EYS: variants seen among roughly 807,000 people sequenced by gnomAD.
EYS encodes protein eyes shut homolog.
A neutral mutation model predicts 282.1 loss-of-function variants in EYS; 250 were observed. The observed-to-expected ratio is 0.89, with a 90% CI of 0.80 to 0.98. EYS has a LOEUF of 0.98. EYS is among the 50% of genes least tolerant of loss of function. EYS has a pLI of 0.00. For synonymous variants in EYS, 1,355 were observed against 1,282.9 expected (o/e 1.06, Z -1.20); for missense variants, 4,016 against 3,709.0 (o/e 1.08, Z -2.15).
intron 31 of EYS, among the ~76,000 whole-genome samples, chr6:64,098,984 T>G (rs900090604): frequency 9.2e-5 from 14 of 152,148 alleles, no homozygotes; most frequent in African/African-American, 2.9e-4. Flanking sequence ...CAAGACAAAT[T>G]ATAAAGTCAT....
At chr6:63,786,875 C>T (rs1022972967) in intron 39 of EYS, among the ~76,000 whole-genome samples, 1 of 152,060 alleles carries the variant, frequency 6.6e-6, no homozygotes, top group African/African-American at 2.4e-5. Flanking sequence ...CAGTAGAGAT[C>T]AGCTTTGGGA....
intron 26 of EYS, among the ~76,000 whole-genome samples, chr6:64,495,578 G>T (rs982648159): frequency 2.6e-5 from 4 of 151,824 alleles, no homozygotes; most frequent in African/African-American, 9.7e-5. Flanking sequence ...TGTGCTTGGT[G>T]GCTTCAGCAT....
intron 30 of EYS, among the ~76,000 whole-genome samples, chr6:64,239,220 G>A (rs148065646): frequency 0.022 from 3,396 of 152,200 alleles, 83 homozygotes; most frequent in African/African-American, 0.06. Flanking sequence ...ACATACATGT[G>A]CATGTGTCTT....
At chr6:65,110,688 CT>C (rs908426933) in intron 12 of EYS, among the ~76,000 whole-genome samples, 22 of 151,712 alleles carry the variant, frequency 1.5e-4, no homozygotes, top group Non-Finnish European at 2.4e-4. Flanking sequence ...AAATGTGTAT[CT>C]TTTTTTCAAA....
intron 26 of EYS, among the ~76,000 whole-genome samples, chr6:64,443,000 A>G (rs1168293567): frequency 6.6e-6 from 1 of 152,168 alleles, no homozygotes; most frequent in South Asian, 2.1e-4. Flanking sequence ...TCAGAATGGT[A>G]GATCCACTGA....
intron 2 of EYS, among the ~76,000 whole-genome samples, chr6:65,497,190 C>T (rs992224111): frequency 2.0e-5 from 3 of 151,850 alleles, no homozygotes; most frequent in Admixed American, 6.6e-5. Context: ...ATGTGCAAGG[C>T]AATATGCTCA....
At chr6:64,671,556 G>A (rs891966079) in intron 22 of EYS, among the ~76,000 whole-genome samples, 1 of 152,112 alleles carries the variant, frequency 6.6e-6, no homozygotes, top group African/African-American at 2.4e-5. Context: ...GAGACAGTAT[G>A]TTGGTGTGTC....
At chr6:65,606,465 T>A (rs907720309) in intron 2 of EYS, among the ~76,000 whole-genome samples, 4 of 151,828 alleles carry the variant, frequency 2.6e-5, no homozygotes, top group Non-Finnish European at 5.9e-5. Flanking sequence ...AAAAGGATTA[T>A]AAATAACATT....
chr6:64,642,290 T>C (rs966768729), intron 22 of EYS, among the ~76,000 whole-genome samples: 30 of 152,340 alleles, frequency 2.0e-4, no homozygotes, highest in African/African-American at 7.0e-4. Flanking sequence ...ATATTTAACA[T>C]TCATCTTAAT....
At chr6:65,164,562 C>T (rs1764927414) in intron 12 of EYS, among the ~76,000 whole-genome samples, 1 of 151,214 alleles carries the variant, frequency 6.6e-6, no homozygotes, top group South Asian at 2.1e-4. Context: ...TGAATGTAGA[C>T]AGATCTAGAT....
intron 7 of EYS, among the ~76,000 whole-genome samples, chr6:65,388,493 A>T (rs1765882752): frequency 6.6e-6 from 1 of 151,992 alleles, no homozygotes; most frequent in African/African-American, 2.4e-5. Flanking sequence ...TATTTGAGTG[A>T]ATGGCTGAAG....
intron 18 of EYS, among the ~76,000 whole-genome samples, chr6:64,892,988 G>A (rs745404780): frequency 3.9e-5 from 6 of 152,118 alleles, no homozygotes; most frequent in Admixed American, 1.3e-4. Context: ...AATCACATCA[G>A]CCAGGCACTT....
rs1174948282 is a variant in EYS, at chr6:65,115,872, C to G, written c.2024-58145G>C. On this transcript the variant is annotated intron_variant, in intron 12 of 42. Coordinates refer to ENST00000503581, the MANE Select transcript of EYS (RefSeq NM_001142800.2). Reference sequence around the variant, plus strand: ...AAGTGGTGGATCTAGGAGTTCACCCCACATGTTTCTGACTTCCAACATTAT... The same window carrying G: ...AAGTGGTGGATCTAGGAGTTCACCCGACATGTTTCTGACTTCCAACATTAT... Among the ~76,000 whole-genome samples the G allele has an allele frequency of 1.3e-5, 2 of 151,990 alleles. 1 individual carries two copies. Among genetic ancestry groups the G allele is most frequent in the South Asian group, 4.1e-4 (2 of 4,826 alleles).
At chr6:64,443,966 A>G (rs911312066) in intron 26 of EYS, among the ~76,000 whole-genome samples, 1 of 152,220 alleles carries the variant, frequency 6.6e-6, no homozygotes, top group Non-Finnish European at 1.5e-5. Context: ...GGAGGGCCAA[A>G]GAAGGATAAC....
At chr6:65,019,066 A>C (rs1211965443) in intron 13 of EYS, among the ~76,000 whole-genome samples, 1 of 152,178 alleles carries the variant, frequency 6.6e-6, no homozygotes, top group Non-Finnish European at 1.5e-5. Context: ...ACTGGGTGCC[A>C]TATTTTGTAT....
At chr6:65,173,928 A>C (rs1225235053) in intron 12 of EYS, among the ~76,000 whole-genome samples, 1 of 151,326 alleles carries the variant, frequency 6.6e-6, no homozygotes, top group African/African-American at 2.4e-5. Context: ...AATTTCATAC[A>C]TAGCCTTAAG....
At chr6:64,236,317 TTATC>T (rs915650720) in intron 30 of EYS, among the ~76,000 whole-genome samples, 13 of 152,332 alleles carry the variant, frequency 8.5e-5, no homozygotes, top group African/African-American at 2.6e-4. Context: ...CATATTTTAT[TTATC>T]TATTCATTAG....
intron 11 of EYS, chr6:65,331,893 C>G (rs998645573): frequency 4.2e-6 from 1 of 238,188 alleles, no homozygotes; most frequent in Non-Finnish European, 6.8e-6. Flanking sequence ...TTTTATATAT[C>G]CATTCATCAG....
chr6:65,585,966 C>G (rs1173362683), intron 2 of EYS, among the ~76,000 whole-genome samples: 3 of 151,906 alleles, frequency 2.0e-5, no homozygotes, highest in African/African-American at 7.2e-5. Context: ...GCAAAAAGAG[C>G]AATTACTTGT....
Sources: gnomAD v4.1 joint callset for allele counts (sites outside exome capture counted in the v4.1 genomes callset) on GRCh38, gnomAD v4.1.1 for gene constraint, MANE v1.5 for transcripts, NCBI Gene and HGNC (gene_info 2026-07-23, HGNC 2026-07-21) for gene names.